MAPRE2: variants seen among roughly 807,000 people sequenced by gnomAD.
MAPRE2 encodes microtubule-associated protein RP/EB family member 2.
A neutral mutation model predicts 43.2 loss-of-function variants in MAPRE2; 13 were observed. The ratio of observed to expected loss-of-function variants is 0.30; its 90% CI spans 0.20 to 0.48. The LOEUF (loss-of-function observed/expected upper bound fraction) is 0.48, where lower values mean the gene tolerates loss of function less well. Ranked by LOEUF, MAPRE2 falls within the 20% of genes least tolerant of loss-of-function variation. The pLI, the probability that MAPRE2 is intolerant of heterozygous loss-of-function variation, is 0.99. For missense variants in MAPRE2, 161 were observed against 400.2 expected (o/e 0.40, Z 5.10); for synonymous variants, 135 against 148.8 (o/e 0.91, Z 0.68).
At chr18:35,017,698 T>C (rs1437844275) in intron 2 of MAPRE2, among the ~76,000 whole-genome samples, 1 of 151,944 alleles carries the variant, frequency 6.6e-6, no homozygotes, top group Non-Finnish European at 1.5e-5. Context: ...TTTATTGAAG[T>C]TGTTTATCTG....
chr18:35,037,933 C>T (rs924484287), upstream of MAPRE2, among the ~76,000 whole-genome samples: 1 of 152,164 alleles, frequency 6.6e-6, no homozygotes, highest in Non-Finnish European at 1.5e-5. Flanking sequence ...GCCTCCTGGT[C>T]TCATGCTGGT....
At chr18:35,007,628 C>T (rs572536242) in intron 2 of MAPRE2, among the ~76,000 whole-genome samples, 1 of 152,308 alleles carries the variant, frequency 6.6e-6, no homozygotes, top group Admixed American at 6.5e-5. Context: ...ATTTGCGCAT[C>T]CATGATAGAT....
chr18:35,059,790 C>T (rs556171700), intron 1 of MAPRE2, among the ~76,000 whole-genome samples: 16 of 152,246 alleles, frequency 1.1e-4, no homozygotes, highest in Admixed American at 7.8e-4. Flanking sequence ...GCTGCTCTTC[C>T]GTGGCATGAG....
chr18:34,979,376 TAATTACAGCGAGTAGTTTGTTGACAC>T (rs1461578602), intron 1 of MAPRE2, among the ~76,000 whole-genome samples: 8 of 152,178 alleles, frequency 5.3e-5, no homozygotes, highest in African/African-American at 1.9e-4. Context: ...GAATAGGAAG[TAATTACAGCGAGTAGTTTGTTGACAC>T]GCACAAACTG....
rs532179829 is a variant in MAPRE2, at chr18:34,982,153, G to A, written c.-70+5074G>A. Among the ~76,000 whole-genome samples the A allele has an allele frequency of 2.5e-3, 376 of 152,182 alleles. 1 individual carries two copies. Among genetic ancestry groups the A allele is most frequent in the Non-Finnish European group, 4.7e-3 (323 of 68,004 alleles). On this transcript the variant is annotated intron_variant, in intron 1 of 7. Transcript: ENST00000413393. ...CCACCTCGGCCTCCCAGAATGCTGG[G>A]ATTACAGGCGTGAGTCACTGCGCCC... is the stretch of plus-strand genomic sequence containing the variant.
intron 2 of MAPRE2, among the ~76,000 whole-genome samples, chr18:35,077,676 G>A (rs558621897): frequency 5.6e-4 from 85 of 152,294 alleles, no homozygotes; most frequent in African/African-American, 1.9e-3. Context: ...CTTGACAAAG[G>A]TTGTGAGAAA....
chr18:35,018,219 T>G (rs1032128812), intron 2 of MAPRE2, among the ~76,000 whole-genome samples: 1 of 152,032 alleles, frequency 6.6e-6, no homozygotes, highest in African/African-American at 2.4e-5. Flanking sequence ...GCTAGTATTT[T>G]GGTGAGGATT....
chr18:35,056,109 A>G (rs1906217145), intron 1 of MAPRE2, among the ~76,000 whole-genome samples: 1 of 152,182 alleles, frequency 6.6e-6, no homozygotes, highest in African/African-American at 2.4e-5. Flanking sequence ...GGCTTTTTGA[A>G]TAAACAGTAG....
At chr18:35,103,715 G>C (rs1908780424) in intron 4 of MAPRE2, among the ~76,000 whole-genome samples, 1 of 152,134 alleles carries the variant, frequency 6.6e-6, no homozygotes, top group African/African-American at 2.4e-5. Context: ...AAGCAGAGAA[G>C]GTGCCAGAAA....
intron 1 of MAPRE2, among the ~76,000 whole-genome samples, chr18:34,985,289 ATTATATTATATATTGT>A (rs2097019265): frequency 2.7e-5 from 1 of 37,050 alleles, no homozygotes; most frequent in Non-Finnish European, 4.6e-5. Flanking sequence ...TATATTATAT[ATTATATTATATATTGT>A]ATATATTATA....
At chr18:35,058,895 A>G (rs1395262138) in intron 1 of MAPRE2, among the ~76,000 whole-genome samples, 2 of 152,192 alleles carry the variant, frequency 1.3e-5, no homozygotes, top group Admixed American at 1.3e-4. Context: ...TCTCAATTAA[A>G]AGCAAGAATC....
intron 1 of MAPRE2, among the ~76,000 whole-genome samples, chr18:34,993,164 A>G (rs1035654086): frequency 1.3e-5 from 2 of 151,820 alleles, no homozygotes; most frequent in East Asian, 3.9e-4. Context: ...GATTGCAGTG[A>G]TACAGACATA....
At chr18:35,125,855 G>T (rs1909882687) in intron 4 of MAPRE2, among the ~76,000 whole-genome samples, 1 of 152,178 alleles carries the variant, frequency 6.6e-6, no homozygotes, top group South Asian at 2.1e-4. Flanking sequence ...CATTATTAGT[G>T]ATGCTAAGTG....
At chr18:35,027,073 T>C (rs114068925) in intron 2 of MAPRE2, among the ~76,000 whole-genome samples, 139 of 152,336 alleles carry the variant, frequency 9.1e-4, no homozygotes, top group African/African-American at 3.2e-3. Flanking sequence ...TTTCTTCCTC[T>C]CTTGCATTCC....
At chr18:35,136,178 T>G (rs1910383899) in intron 6 of MAPRE2, among the ~76,000 whole-genome samples, 1 of 152,198 alleles carries the variant, frequency 6.6e-6, no homozygotes, top group African/African-American at 2.4e-5. Context: ...CAGATACTTA[T>G]TCTCATTATG....
rs1477577676 is a variant in MAPRE2, at chr18:35,140,678, C to T, written c.*309C>T. 1 of 345,594 alleles carries T rather than the reference C, an allele frequency of 2.9e-6. No individual in the cohort carries two copies. Among genetic ancestry groups the T allele is most frequent in the African/African-American group, 2.0e-5 (1 of 48,892 alleles). 21.4% of individuals were successfully genotyped at this position (345,594 alleles called of 1,614,324 possible). A position where few individuals can be genotyped will look rare whatever the true frequency, so the allele number is the denominator to read the frequency against. ...CTTTCCAGAACAACTCTTTCCCACC[C>T]CAACACCACTGCCACCACCCCTCTT... On this transcript the variant is annotated 3_prime_UTR_variant, in exon 7 of 7. Coordinates refer to ENST00000300249, the MANE Select transcript of MAPRE2 (RefSeq NM_014268.4).
chr18:35,097,749 G>A (rs531058277), intron 3 of MAPRE2, among the ~76,000 whole-genome samples, 158 bp downstream of exon 3: 2 of 152,264 alleles, frequency 1.3e-5, no homozygotes, highest in East Asian at 1.9e-4. Flanking sequence ...CTAAGTTCTT[G>A]TATTTTTATG....
intron 2 of MAPRE2, among the ~76,000 whole-genome samples, chr18:35,093,693 C>T (rs1252362917): frequency 6.6e-6 from 1 of 152,122 alleles, no homozygotes; most frequent in East Asian, 1.9e-4. Flanking sequence ...CATGATCTTC[C>T]TCATGTGGAA....
intron 1 of MAPRE2, among the ~76,000 whole-genome samples, chr18:35,058,866 A>G (rs9958961): frequency 0.038 from 5,755 of 152,228 alleles, 333 homozygotes; most frequent in African/African-American, 0.13. Flanking sequence ...TCATGACATA[A>G]ACACAAGAGC....
Sources: gnomAD v4.1 joint callset for allele counts (sites outside exome capture counted in the v4.1 genomes callset) on GRCh38, gnomAD v4.1.1 for gene constraint, MANE v1.5 for transcripts, NCBI Gene and HGNC (gene_info 2026-07-23, HGNC 2026-07-21) for gene names.